SLFN12: variants seen among roughly 807,000 people sequenced by gnomAD.
SLFN12 encodes ribonuclease SLFN12.
SLFN12 carries 25 observed loss-of-function variants against 29.1 expected under a neutral mutation model. That is an observed-to-expected ratio of 0.86 (90% CI 0.63 to 1.20). The LOEUF (loss-of-function observed/expected upper bound fraction) is 1.20, where lower values mean the gene tolerates loss of function less well. SLFN12 is among the 50% of genes most tolerant of loss of function. The pLI is 0.00. For synonymous variants in SLFN12, 257 were observed against 238.7 expected (o/e 1.08, Z -0.71); for missense variants, 660 against 666.2 (o/e 0.99, Z 0.10).
Position 35,432,499 on chromosome 17 carries a change from A to G in SLFN12, c.-352T>C, listed in dbSNP as rs1912379840. 1.3e-5 allele frequency: 2 copies of G among 152,166 alleles called. No homozygotes were observed. Among genetic ancestry groups the G allele is most frequent in the South Asian group, 2.1e-4 (1 of 4,830 alleles). 9.4% of individuals were successfully genotyped at this position (152,166 alleles called of 1,614,324 possible). A position where few individuals can be genotyped will look rare whatever the true frequency, so the allele number is the denominator to read the frequency against. Reference sequence around the variant, plus strand: ...TCTGAATGGTTGCAGAAAGCGATCAATGGGAGGCTGAAGTGAAGTTACAAA... The same window carrying G: ...TCTGAATGGTTGCAGAAAGCGATCAGTGGGAGGCTGAAGTGAAGTTACAAA... On this transcript the variant is annotated 5_prime_UTR_variant, in exon 1 of 4. Coordinates refer to ENST00000304905, the MANE Select transcript of SLFN12 (RefSeq NM_018042.5).
upstream of SLFN12, chr17:35,432,666 T>G (rs772286): frequency 0.41 from 62,423 of 151,964 alleles, 14,619 homozygotes; most frequent in Non-Finnish European, 0.5. Context: ...CAGTTTTTCA[T>G]CTGCCATGTA....
Position 35,411,450 on chromosome 17 carries a change from T to G in SLFN12, c.1625A>C (p.Lys542Thr). The G allele has an allele frequency of 6.2e-7, 1 of 1,613,808 alleles. No individual in the cohort carries two copies. Among genetic ancestry groups the G allele is most frequent in the Non-Finnish European group, 8.5e-7 (1 of 1,179,860 alleles). The change falls in exon 4 of 4, where the codon AAG becomes ACG. Residue 542 changes from lysine (K) to threonine (T), a missense_variant. Physicochemically the swap from Lys to Thr is moderately conservative, Grantham distance 78. Transcript: ENST00000304905. ...KALFKALKRL[K>T]SLRDQFSFAE... ...AAAGGAAAACTGGTCTCTCAGAGACTTGAGTCTCTTTAAGGCTTTAAAAAG... is the reference window on the plus strand; with the variant it reads ...AAAGGAAAACTGGTCTCTCAGAGACGTGAGTCTCTTTAAGGCTTTAAAAAG...
chr17:35,420,314 C>T lies in SLFN12; in HGVS notation c.1107G>A (p.Trp369Ter), dbSNP rs1911548744. Residue 369 changes from tryptophan (W) to a stop codon, truncating the protein, a stop_gained, in exon 3 of 4, where the codon TGG (tryptophan) becomes TGA (stop). Transcript: ENST00000304905. LOFTEE classifies it low-confidence loss of function (END_TRUNC). ...TCTGCCGTTGCCATTCCAAAAGAGG[C>T]CAACTGTGGGGAGCAGGTAATGACG... ...INTSLPAPHS[W>*]PLLEWQRQRH... 7 of 1,613,730 alleles carry T rather than the reference C, an allele frequency of 4.3e-6. No homozygotes were observed. Among genetic ancestry groups the T allele is most frequent in the Non-Finnish European group, 5.1e-6 (6 of 1,179,792 alleles).
chr17:35,431,250 C>T (rs1030932677), intron 1 of SLFN12, among the ~76,000 whole-genome samples: 4 of 152,116 alleles, frequency 2.6e-5, no homozygotes, highest in Non-Finnish European at 4.4e-5. Context: ...TATAAGTCAG[C>T]GGTTTCCATG....
At chr17:35,415,013 C>A (rs1427929446) in intron 3 of SLFN12, among the ~76,000 whole-genome samples, 2 of 151,906 alleles carry the variant, frequency 1.3e-5, no homozygotes, top group Non-Finnish European at 2.9e-5. Flanking sequence ...GAAAAAATAA[C>A]CCTAAAATTT....
intron 3 of SLFN12, among the ~76,000 whole-genome samples, chr17:35,417,637 A>G (rs1464573205): frequency 6.6e-6 from 1 of 152,116 alleles, no homozygotes; most frequent in African/African-American, 2.4e-5. Flanking sequence ...TCAGTTCATT[A>G]GGACAAGAAA....
At chr17:35,414,825 C>T (rs1010068818) in intron 3 of SLFN12, among the ~76,000 whole-genome samples, 1 of 152,024 alleles carries the variant, frequency 6.6e-6, no homozygotes, top group Non-Finnish European at 1.5e-5. Flanking sequence ...TGAAAGATCT[C>T]TACAAGGAAA....
chr17:35,422,012 C>A lies in SLFN12; in HGVS notation c.1017G>T (p.Gln339His), dbSNP rs946735541. The change falls in exon 2 of 4, where the codon CAG becomes CAT. Residue 339 changes from glutamine to histidine, a missense_variant. Transcript: ENST00000304905. ...AACTTGGTTCAGCCTCCACCATGAACTGGATCCATTCCTTCCTGGTCAACT... is the reference window on the plus strand; with the variant it reads ...AACTTGGTTCAGCCTCCACCATGAAATGGATCCATTCCTTCCTGGTCAACT... ...VMQLTRKEWI[Q>H]FMVEAEPKFS... 3.7e-6 allele frequency: 6 copies of A among 1,613,938 alleles called. No individual in the cohort carries two copies. The highest frequency in any genetic ancestry group is 3.3e-5 in the South Asian group (3 of 91,080).
Position 35,420,468 on chromosome 17 carries a change from T to C in SLFN12, c.1040-87A>G. ...ATAGTATTATATATTAAAAGTCTAC[T>C]TGTAACTGATTCTGTTTTCCAAAAA... is the stretch of plus-strand genomic sequence containing the variant. On this transcript the variant is annotated intron_variant, in intron 2 of 3. Transcript: ENST00000304905. 4 of 756,980 alleles carry C rather than the reference T, an allele frequency of 5.3e-6. No individual in the cohort carries two copies. The South Asian group carries it at 6.5e-5, about 12-fold the overall frequency. 46.9% of individuals were successfully genotyped at this position (756,980 alleles called of 1,614,324 possible). A position where few individuals can be genotyped will look rare whatever the true frequency, so the allele number is the denominator to read the frequency against.
intron 3 of SLFN12, among the ~76,000 whole-genome samples, chr17:35,415,838 A>T (rs931664274): frequency 8.5e-5 from 13 of 152,190 alleles, no homozygotes; most frequent in African/African-American, 3.1e-4. Flanking sequence ...AATGGCCATA[A>T]TTAAAAGTCA....
chr17:35,420,541 T>C lies in SLFN12; in HGVS notation c.1040-160A>G, dbSNP rs909245638. On this transcript the variant is annotated intron_variant, in intron 2 of 3. Transcript: ENST00000304905. ...GTTAGATTCTTAGGTCAGATACAAA[T>C]TGCAAAATTAACTTTTGATGCCACT... 24 of 499,664 alleles carry C rather than the reference T, an allele frequency of 4.8e-5. No individual in the cohort carries two copies. The East Asian group carries it at 6.6e-4, about 14-fold the overall frequency. The allele number at this position is 499,664 out of a possible 1,614,324, so 31.0% of individuals were successfully genotyped here. A position where few individuals can be genotyped will look rare whatever the true frequency, so the allele number is the denominator to read the frequency against.
rs745953872 is a variant in SLFN12 at position 35,422,804 on chromosome 17, T to C, written c.225A>G (p.Ile75Met). The C allele has an allele frequency of 1.9e-5, 30 of 1,613,670 alleles. No individual in the cohort carries two copies. Among genetic ancestry groups the C allele is most frequent in the Non-Finnish European group, 2.5e-5 (29 of 1,179,810 alleles). The change falls in exon 2 of 4, where the codon ATA (isoleucine) becomes ATG (methionine). Residue 75 changes from isoleucine to methionine, a missense_variant. Ile to Met is a conservative substitution (Grantham distance 10). Coordinates refer to ENST00000304905, the MANE Select transcript of SLFN12 (RefSeq NM_018042.5). ...NEDYSYTKDG[I>M]GLDLENSFSN... The stretch of plus-strand genomic sequence containing the variant: ...TAAAAGAATTTTCCAAATCTAGTCC[T>C]ATTCCATCTTTTGTATAACTATAGT...
chr17:35,431,380 G>C (rs1480013867), intron 1 of SLFN12, among the ~76,000 whole-genome samples: 3 of 152,110 alleles, frequency 2.0e-5, no homozygotes, highest in Non-Finnish European at 4.4e-5. Flanking sequence ...AGCAGCACAA[G>C]AGCCTGCATA....
rs1911773177 is a variant in SLFN12, at chr17:35,422,779, T to G, written c.250A>C (p.Ser84Arg). Residue 84 changes from serine to arginine, a missense_variant, in exon 2 of 4, where the codon AGT becomes CGT. By Grantham distance (110) the Ser-to-Arg change is moderately radical. Transcript: ENST00000304905. ...GIGLDLENSFSNILLFVPEYL... is the reference protein window; with the variant it reads ...GIGLDLENSFRNILLFVPEYL... The stretch of plus-strand genomic sequence containing the variant: ...TCAGGAACAAATAACAGAATGTTAC[T>G]AAAAGAATTTTCCAAATCTAGTCCT... 6.2e-7 allele frequency: 1 copy of G among 1,613,852 alleles called. No homozygotes were observed. Among genetic ancestry groups the G allele is most frequent in the East Asian group, 2.2e-5 (1 of 44,884 alleles).
chr17:35,420,542 T>C, intron 2 of SLFN12, 161 bp from the exon 3 acceptor site: 2 of 498,684 alleles, frequency 4.0e-6, no homozygotes, highest in Admixed American at 3.8e-5. Flanking sequence ...AGATACAAAT[T>C]GCAAAATTAA....
Position 35,412,173 on chromosome 17 carries a change from G to A in SLFN12, c.1148-246C>T, listed in dbSNP as rs61559042. Among the ~76,000 whole-genome samples, 41 of 152,168 alleles carry A rather than the reference G, an allele frequency of 2.7e-4. No individual in the cohort carries two copies. The East Asian group carries it at 6.9e-3, about 26-fold the overall frequency. Reference sequence around the variant, plus strand: ...ACATTCACCCCTGCTTTTTCCCTAAGTAGATTTTCTATATCATGGCATGGG... The same window carrying A: ...ACATTCACCCCTGCTTTTTCCCTAAATAGATTTTCTATATCATGGCATGGG... On this transcript the variant is annotated intron_variant, in intron 3 of 3. Transcript: ENST00000304905.
chr17:35,430,534 A>T (rs1912251880), intron 1 of SLFN12: 1 of 152,096 alleles, frequency 6.6e-6, no homozygotes, highest in South Asian at 2.1e-4. Flanking sequence ...ATGGTCGCAT[A>T]TTTGTTTCAC....
At chr17:35,429,345 CT>C (rs1912185342) in intron 1 of SLFN12, among the ~76,000 whole-genome samples, 1 of 152,076 alleles carries the variant, frequency 6.6e-6, no homozygotes, top group Non-Finnish European at 1.5e-5. Flanking sequence ...ACATCTGCAG[CT>C]GTGTAAAACT....
chr17:35,423,293 A>G (rs1911816171), intron 1 of SLFN12, among the ~76,000 whole-genome samples: 1 of 152,132 alleles, frequency 6.6e-6, no homozygotes, highest in South Asian at 2.1e-4. Flanking sequence ...TATTCTAATT[A>G]TGTAATCTCT....
Sources: gnomAD v4.1 joint callset for allele counts (sites outside exome capture counted in the v4.1 genomes callset) on GRCh38, gnomAD v4.1.1 for gene constraint, MANE v1.5 for transcripts, NCBI Gene and HGNC (gene_info 2026-07-23, HGNC 2026-07-21) for gene names.